ENPP2: variants seen among roughly 807,000 people sequenced by gnomAD.
The protein encoded by ENPP2 is ectonucleotide pyrophosphatase/phosphodiesterase 2.
In ENPP2, 51 loss-of-function variants were observed where a neutral mutation model predicts 120.2. The observed-to-expected ratio is 0.42, with a 90% CI of 0.34 to 0.54. The LOEUF (loss-of-function observed/expected upper bound fraction) is 0.54. Among genes scored for constraint, ENPP2 ranks in the 20% least tolerant of loss-of-function variants. ENPP2 has a pLI of 0.04. For missense variants in ENPP2, 920 were observed against 1,066.5 expected (o/e 0.86, Z 1.91); for synonymous variants, 365 against 366.4 (o/e 1.00, Z 0.04).
At chr8:119,617,438 A>C in intron 6 of ENPP2, 28 bp downstream of exon 6, 2 of 1,477,898 alleles carry the variant, frequency 1.4e-6, no homozygotes, top group Non-Finnish European at 1.9e-6. Flanking sequence ...GATTACAGAT[A>C]AGAACACAGA....
At chr8:119,602,978 C>T (rs1814421862) in intron 9 of ENPP2, among the ~76,000 whole-genome samples, 1 of 152,096 alleles carries the variant, frequency 6.6e-6, no homozygotes, top group Admixed American at 6.6e-5. Flanking sequence ...ATTTGTCATT[C>T]CCCAGGCACC....
chr8:119,581,279 A>AAG (rs1554609129), intron 18 of ENPP2, among the ~76,000 whole-genome samples: 5 of 151,648 alleles, frequency 3.3e-5, no homozygotes, highest in African/African-American at 9.7e-5. Context: ...AAAAAAAAAA[A>AAG]AAAAGAAAAC....
chr8:119,601,929 C>G (rs2130570185), intron 9 of ENPP2, among the ~76,000 whole-genome samples: 1 of 152,128 alleles, frequency 6.6e-6, no homozygotes, highest in East Asian at 1.9e-4. Context: ...CACTGTACAG[C>G]TTGGTTGTAA....
chr8:119,648,416 A>G (rs1817535410), intron 1 of ENPP2, among the ~76,000 whole-genome samples: 1 of 152,212 alleles, frequency 6.6e-6, no homozygotes, highest in Admixed American at 6.5e-5. Flanking sequence ...TTATGAGAAA[A>G]TGAGCAGCTC....
chr8:119,630,750 T>C (rs75185512), intron 2 of ENPP2, among the ~76,000 whole-genome samples: 2,160 of 152,260 alleles, frequency 0.014, 55 homozygotes, highest in African/African-American at 0.05. Context: ...TGGATTAGGA[T>C]ATACCTATGT....
intron 2 of ENPP2, among the ~76,000 whole-genome samples, chr8:119,636,555 G>T (rs142171424): frequency 1.3e-5 from 2 of 152,242 alleles, no homozygotes; most frequent in Middle Eastern, 6.8e-3. Context: ...GAGCAAATTC[G>T]TGTAGCCCAC....
chr8:119,617,357 T>C, intron 6 of ENPP2, 109 bp downstream of exon 6: 2 of 1,154,406 alleles, frequency 1.7e-6, no homozygotes, highest in Non-Finnish European at 2.6e-6. Flanking sequence ...TTTCAAATAA[T>C]AAAACACATT....
chr8:119,666,815 G>C (rs2130909189), intron 1 of ENPP2, among the ~76,000 whole-genome samples: 1 of 151,614 alleles, frequency 6.6e-6, no homozygotes, highest in African/African-American at 2.4e-5. Context: ...CTTAGCATTT[G>C]ATTTAGATTA....
intron 23 of ENPP2, among the ~76,000 whole-genome samples, chr8:119,563,967 AACAAATTTGTTG>A (rs1814182789): frequency 2.7e-5 from 4 of 150,688 alleles, no homozygotes; most frequent in Admixed American, 2.0e-4. Context: ...TGAATTTGTC[AACAAATTTGTTG>A]ACAAATTCAG....
chr8:119,610,617 AT>A (rs1815031613), intron 8 of ENPP2, among the ~76,000 whole-genome samples: 1 of 151,982 alleles, frequency 6.6e-6, no homozygotes, highest in Admixed American at 6.6e-5. Context: ...AAAAAAAAAA[AT>A]CAGGCCAGGT....
At chr8:119,669,971 T>C (rs1818192555) in intron 1 of ENPP2, among the ~76,000 whole-genome samples, 1 of 152,250 alleles carries the variant, frequency 6.6e-6, no homozygotes, top group African/African-American at 2.4e-5. Context: ...GAGGGCTTGC[T>C]TGCCCACTGG....
At chr8:119,633,946 G>A (rs377693265) in intron 2 of ENPP2, among the ~76,000 whole-genome samples, 2 of 152,002 alleles carry the variant, frequency 1.3e-5, no homozygotes, top group East Asian at 1.9e-4. Flanking sequence ...AATTTGGGAG[G>A]CTGAGGCGAG....
intron 8 of ENPP2, among the ~76,000 whole-genome samples, chr8:119,615,818 A>G (rs1312790577): frequency 1.3e-5 from 2 of 152,118 alleles, no homozygotes; most frequent in Non-Finnish European, 2.9e-5. Context: ...AATCAATGAG[A>G]TCTGACTATT....
upstream of ENPP2, among the ~76,000 whole-genome samples, chr8:119,639,541 G>A (rs2130846993): frequency 6.6e-6 from 1 of 152,070 alleles, no homozygotes; most frequent in East Asian, 1.9e-4. Flanking sequence ...GCCCTGGGAG[G>A]ACGGACAAAA....
chr8:119,560,942 T>C (rs547925901), intron 24 of ENPP2, among the ~76,000 whole-genome samples: 40 of 152,228 alleles, frequency 2.6e-4, no homozygotes, highest in African/African-American at 8.9e-4. Flanking sequence ...AAATAATATA[T>C]GTAGAGGACC....
intron 15 of ENPP2, 79 bp from the exon 16 acceptor site, chr8:119,584,128 G>C (rs1320851106): frequency 1.1e-6 from 1 of 907,834 alleles, no homozygotes; most frequent in South Asian, 1.4e-5. Flanking sequence ...AGGGTACAAA[G>C]AATATCTAAG....
At position 119,601,379 on chromosome 8, in the gene ENPP2, A is replaced by G; in HGVS notation, c.899+18T>C. 6.6e-7 allele frequency: 1 copy of G among 1,524,678 alleles called. No homozygotes were observed. Among genetic ancestry groups the G allele is most frequent in the South Asian group, 1.1e-5 (1 of 89,082 alleles). 94.4% of individuals were successfully genotyped at this position (1,524,678 alleles called of 1,614,324 possible). A position where few individuals can be genotyped will look rare whatever the true frequency, so the allele number is the denominator to read the frequency against. ...GATAGAAATGTACTGAAGAAAGAAG[A>G]AAGAGAGAAATAAATACCTCTCATG... On this transcript the variant is annotated intron_variant, in intron 10 of 24. Coordinates refer to ENST00000075322, the MANE Select transcript of ENPP2 (RefSeq NM_001040092.3).
chr8:119,569,193 A>G lies in ENPP2; in HGVS notation c.2053+42T>C, dbSNP rs781214734. The stretch of plus-strand genomic sequence containing the variant: ...CCAAATACCAAGATTGCACAATGTG[A>G]CATCCCTCTGAAGGCATCAGATCTT... On this transcript the variant is annotated intron_variant, in intron 21 of 24. Coordinates refer to ENST00000075322, the MANE Select transcript of ENPP2 (RefSeq NM_001040092.3). The G allele has an allele frequency of 4.3e-5, 68 of 1,594,512 alleles. 1 individual carries two copies. The South Asian group carries it at 6.5e-4, about 15-fold the overall frequency.
chr8:119,614,825 A>C (rs1815349985), intron 8 of ENPP2, among the ~76,000 whole-genome samples: 1 of 152,176 alleles, frequency 6.6e-6, no homozygotes, highest in South Asian at 2.1e-4. Context: ...ATAAACTTTG[A>C]ATAATCCACC....
Sources: gnomAD v4.1 joint callset for allele counts (sites outside exome capture counted in the v4.1 genomes callset) on GRCh38, gnomAD v4.1.1 for gene constraint, MANE v1.5 for transcripts, NCBI Gene and HGNC (gene_info 2026-07-23, HGNC 2026-07-21) for gene names.